RBFOX1: variants seen among roughly 807,000 people sequenced by gnomAD.
The protein encoded by RBFOX1 is RNA binding protein fox-1 homolog 1.
In RBFOX1, 8 loss-of-function variants were observed where a neutral mutation model predicts 57.7. That is an observed-to-expected ratio of 0.14 (90% CI 0.08 to 0.25). RBFOX1 has a LOEUF of 0.25. RBFOX1 is among the 10% of genes least tolerant of loss of function. The probability of loss-of-function intolerance (pLI) is 1.00; values close to 1 mark genes in which losing one functional copy is unlikely to be tolerated. For missense variants in RBFOX1, 611 were observed against 548.5 expected (o/e 1.11, Z -1.14); for synonymous variants, 326 against 222.4 (o/e 1.47, Z -4.15).
intron 4 of RBFOX1, among the ~76,000 whole-genome samples, chr16:5,897,015 G>C (rs1459819593): frequency 2.5e-5 from 2 of 80,928 alleles, no homozygotes; most frequent in Non-Finnish European, 4.6e-5. Context: ...GTATCCATCC[G>C]CTTTTTTTTT....
intron 1 of RBFOX1, among the ~76,000 whole-genome samples, chr16:6,187,637 G>T (rs1832874082): frequency 6.6e-6 from 1 of 152,168 alleles, no homozygotes; most frequent in Non-Finnish European, 1.5e-5. Flanking sequence ...TGGAGATCAG[G>T]ATACAGGTGG....
intron 1 of RBFOX1, among the ~76,000 whole-genome samples, chr16:6,159,273 C>T (rs1336365847): frequency 1.3e-5 from 2 of 152,030 alleles, no homozygotes; most frequent in East Asian, 1.9e-4. Context: ...CACGGGGTTT[C>T]ACCATGTTGG....
At chr16:7,375,066 G>A (rs146384760) in intron 4 of RBFOX1, among the ~76,000 whole-genome samples, 216 of 152,342 alleles carry the variant, frequency 1.4e-3, no homozygotes, top group African/African-American at 4.6e-3. Flanking sequence ...GTTTCAGGAG[G>A]AGAAAGAACA....
chr16:6,438,631 T>G (rs1395868223), intron 2 of RBFOX1, among the ~76,000 whole-genome samples: 1 of 152,200 alleles, frequency 6.6e-6, no homozygotes, highest in Non-Finnish European at 1.5e-5. Context: ...TATAACTTAT[T>G]TGAACCCTCT....
intron 2 of RBFOX1, among the ~76,000 whole-genome samples, chr16:6,631,256 T>C (rs867339336): frequency 6.6e-6 from 1 of 151,842 alleles, no homozygotes; most frequent in Admixed American, 6.6e-5. Flanking sequence ...AGTAAAGGGA[T>C]GGAATAAAAC....
chr16:5,699,641 G>C (rs1364759369), intron 3 of RBFOX1, among the ~76,000 whole-genome samples: 1 of 152,046 alleles, frequency 6.6e-6, no homozygotes, highest in Non-Finnish European at 1.5e-5. Context: ...TTGGTTGTCA[G>C]CTCTGGGTTG....
intron 3 of RBFOX1, among the ~76,000 whole-genome samples, chr16:5,859,532 T>A (rs2057157082): frequency 6.6e-6 from 1 of 152,190 alleles, no homozygotes; most frequent in African/African-American, 2.4e-5. Flanking sequence ...TTCTACCAGC[T>A]GGAGATCAAG....
intron 2 of RBFOX1, among the ~76,000 whole-genome samples, chr16:5,582,970 C>G (rs991422716): frequency 4.6e-5 from 7 of 152,124 alleles, no homozygotes; most frequent in African/African-American, 1.7e-4. Flanking sequence ...TATTGTGAGA[C>G]CTTTACAGAC....
At chr16:6,068,101 T>A (rs2095790521) in intron 1 of RBFOX1, among the ~76,000 whole-genome samples, 1 of 151,944 alleles carries the variant, frequency 6.6e-6, no homozygotes, top group Non-Finnish European at 1.5e-5. Context: ...TCATTCATTT[T>A]TTTGTCCATT....
intron 3 of RBFOX1, among the ~76,000 whole-genome samples, chr16:6,939,174 C>G (rs575538300): frequency 2.6e-5 from 4 of 152,218 alleles, no homozygotes; most frequent in African/African-American, 7.2e-5. Flanking sequence ...AATTAGAACT[C>G]AGGCCAATGA....
intron 2 of RBFOX1, among the ~76,000 whole-genome samples, chr16:6,536,152 C>T (rs1020467181): frequency 5.3e-5 from 8 of 152,118 alleles, no homozygotes. Flanking sequence ...ATCACAAGAC[C>T]ACAATCATCA....
At chr16:5,687,628 C>T (rs2050545275) in intron 3 of RBFOX1, among the ~76,000 whole-genome samples, 1 of 152,168 alleles carries the variant, frequency 6.6e-6, no homozygotes, top group Non-Finnish European at 1.5e-5. Flanking sequence ...ATTGTAGCGT[C>T]ACCATGAAAC....
At chr16:6,784,879 A>C (rs76938983) in intron 3 of RBFOX1, among the ~76,000 whole-genome samples, 6,444 of 152,170 alleles carry the variant, frequency 0.042, 287 homozygotes, top group East Asian at 0.23. Flanking sequence ...GAGCTAAGTG[A>C]AGGTCGGCTG....
rs147342246 is a variant in RBFOX1 at position 5,411,983 on chromosome 16, T to C, written c.220-55233T>C. ...ACAGATCTCACTGAGACTATTCTTA[T>C]CTGTTTAATATTTCTAGATCGGTTA... On this transcript the variant is annotated intron_variant, in intron 1 of 2. Transcript: ENST00000585867. Among the ~76,000 whole-genome samples the C allele has an allele frequency of 1.7e-4, 26 of 152,326 alleles. No homozygotes were observed. The East Asian group carries it at 5.0e-3, about 29-fold the overall frequency.
chr16:6,882,016 A>G (rs1183773023), intron 3 of RBFOX1, among the ~76,000 whole-genome samples: 1 of 152,308 alleles, frequency 6.6e-6, no homozygotes, highest in Non-Finnish European at 1.5e-5. Context: ...TAAAATCACC[A>G]AAGACTCTAG....
chr16:5,781,245 T>C (rs1045416919), intron 3 of RBFOX1, among the ~76,000 whole-genome samples: 7 of 152,188 alleles, frequency 4.6e-5, no homozygotes, highest in African/African-American at 1.4e-4. Flanking sequence ...GTGCATCCTC[T>C]AAGTGGGGGA....
intron 1 of RBFOX1, among the ~76,000 whole-genome samples, chr16:6,045,853 T>TA (rs2152425403): frequency 6.6e-6 from 1 of 152,218 alleles, no homozygotes; most frequent in East Asian, 1.9e-4. Flanking sequence ...CACACACACA[T>TA]ACACAAAACC....
chr16:7,086,046 G>A (rs935422628), intron 4 of RBFOX1, among the ~76,000 whole-genome samples: 14 of 152,254 alleles, frequency 9.2e-5, no homozygotes, highest in African/African-American at 3.4e-4. Flanking sequence ...CCAGCTCTGA[G>A]GCTGTCTCCA....
intron 2 of RBFOX1, among the ~76,000 whole-genome samples, chr16:6,647,717 A>G (rs950336871): frequency 2.6e-5 from 4 of 152,268 alleles, no homozygotes; most frequent in African/African-American, 7.2e-5. Flanking sequence ...GATTCGATGT[A>G]TCTGGGATGA....
Sources: allele counts gnomAD v4.1 joint callset (sites outside exome capture counted in the v4.1 genomes callset), GRCh38; gene constraint gnomAD v4.1.1; transcripts MANE v1.5; gene names NCBI Gene and HGNC (gene_info 2026-07-23, HGNC 2026-07-21).